Variants in RAB3GAP2 observed in about 807,000 individuals in gnomAD.
The protein encoded by RAB3GAP2 is RAB3 GTPase activating non-catalytic protein subunit 2.
RAB3GAP2 carries 87 observed loss-of-function variants against 185.3 expected under a neutral mutation model. That is an observed-to-expected ratio of 0.47 (90% CI 0.39 to 0.56). RAB3GAP2 has a LOEUF of 0.56. Among genes scored for constraint, RAB3GAP2 ranks in the 20% least tolerant of loss-of-function variants. RAB3GAP2 has a pLI of 0.00. For synonymous variants in RAB3GAP2, 554 were observed against 576.1 expected, an observed-to-expected ratio of 0.96 and a Z score of 0.55; for missense variants, 1,492 against 1,638.2, an observed-to-expected ratio of 0.91 and a Z score of 1.54.
At chr1:220,206,205 A>G (rs923639287) in intron 7 of RAB3GAP2, among the ~76,000 whole-genome samples, 199 bp from the exon 8 acceptor site, 7 of 152,176 alleles carry the variant, frequency 4.6e-5, no homozygotes, top group Middle Eastern at 3.2e-3. Context: ...TTCAAATATA[A>G]CCTTTTGTGT....
intron 2 of RAB3GAP2, among the ~76,000 whole-genome samples, chr1:220,223,425 G>A (rs568832166): frequency 6.6e-6 from 1 of 152,156 alleles, no homozygotes; most frequent in East Asian, 1.9e-4. Context: ...AAAAAAATAA[G>A]ATAATGGTAT....
Position 220,171,184 on chromosome 1 carries a change from C to G in RAB3GAP2, c.2578-64G>C, listed in dbSNP as rs111338251. On this transcript the variant is annotated intron_variant, in intron 23 of 34. Coordinates refer to ENST00000358951, the MANE Select transcript of RAB3GAP2 (RefSeq NM_012414.4). ...CTGAATCAATATTAACTTGAATGAG[C>G]TTTTAACTTGAAAGCTGATGGATAC... 5.2e-4 allele frequency: 753 copies of G among 1,441,330 alleles called. 5 individuals are homozygous for G. In the African/African-American group the frequency reaches 8.8e-3, roughly 17 times the overall value. 89.3% of individuals were successfully genotyped at this position (1,441,330 alleles called of 1,614,324 possible).
intron 18 of RAB3GAP2, among the ~76,000 whole-genome samples, chr1:220,184,495 T>A (rs1454642248): frequency 6.6e-6 from 1 of 152,122 alleles, no homozygotes; most frequent in African/African-American, 2.4e-5. Context: ...ATATACTGTA[T>A]GAATATTTAT....
intron 23 of RAB3GAP2, among the ~76,000 whole-genome samples, chr1:220,171,622 C>A (rs1658179633): frequency 6.6e-6 from 1 of 152,052 alleles, no homozygotes; most frequent in African/African-American, 2.4e-5. Context: ...AACGTTAACA[C>A]CCCCTGGAAA....
At chr1:220,242,194 AT>A (rs1659708594) in intron 1 of RAB3GAP2, among the ~76,000 whole-genome samples, 1 of 152,184 alleles carries the variant, frequency 6.6e-6, no homozygotes, top group Non-Finnish European at 1.5e-5. Context: ...TTTTGGTTCC[AT>A]AGTAAAGAAA....
At position 220,231,980 on chromosome 1, in the gene RAB3GAP2, A is replaced by C. The variant is rs868492706; in HGVS notation, c.180+819T>G. Among the ~76,000 whole-genome samples, 56 of 152,280 alleles carry C rather than the reference A, an allele frequency of 3.7e-4. No homozygotes were observed. The Middle Eastern group carries it at 0.01, about 28-fold the overall frequency. On this transcript the variant is annotated intron_variant, in intron 2 of 34. Transcript: ENST00000358951. The stretch of plus-strand genomic sequence containing the variant: ...GGACTTCCTTCTATGTAAGCGAATA[A>C]ATTTTCTTCATATTTAAGCCAATTA...
intron 1 of RAB3GAP2, among the ~76,000 whole-genome samples, chr1:220,242,309 T>C (rs1659710612): frequency 1.3e-5 from 2 of 152,334 alleles, no homozygotes; most frequent in South Asian, 4.1e-4. Flanking sequence ...AATAGACATT[T>C]GTTCGTTATT....
chr1:220,236,102 T>C (rs552751730), intron 1 of RAB3GAP2, among the ~76,000 whole-genome samples: 31 of 152,348 alleles, frequency 2.0e-4, no homozygotes, highest in African/African-American at 7.5e-4. Context: ...AGAGAATGCA[T>C]TCCAAATTAT....
At position 220,158,971 on chromosome 1, in the gene RAB3GAP2, A is replaced by G. The variant is rs1040970800; in HGVS notation, c.3261+415T>C. ...ATATCCATGGATTAGAATATTAGTTAAGACTAATGTTGTATTTGTATACTT... is the reference window on the plus strand; with the variant it reads ...ATATCCATGGATTAGAATATTAGTTGAGACTAATGTTGTATTTGTATACTT... On this transcript the variant is annotated intron_variant, in intron 29 of 34. Transcript: ENST00000358951. The surrounding 1 kb of genome is among the most constrained non-coding windows in gnomAD (Gnocchi z 4.3). Among the ~76,000 whole-genome samples, 2 of 152,180 alleles carry G rather than the reference A, an allele frequency of 1.3e-5. No homozygotes were observed. Among genetic ancestry groups the G allele is most frequent in the Admixed American group, 1.3e-4 (2 of 15,276 alleles).
At chr1:220,234,685 A>C (rs1227188863) in intron 1 of RAB3GAP2, among the ~76,000 whole-genome samples, 1 of 152,240 alleles carries the variant, frequency 6.6e-6, no homozygotes, top group African/African-American at 2.4e-5. Flanking sequence ...TCTACTGTAG[A>C]AGGCAGACAA....
intron 1 of RAB3GAP2, chr1:220,266,813 G>T: frequency 6.3e-7 from 1 of 1,596,234 alleles, no homozygotes; most frequent in Non-Finnish European, 8.6e-7. Flanking sequence ...CCTCTGGCTG[G>T]GAACATGCTT....
At chr1:220,215,496 T>G (rs921753570) in intron 2 of RAB3GAP2, among the ~76,000 whole-genome samples, 4 of 152,158 alleles carry the variant, frequency 2.6e-5, no homozygotes, top group Admixed American at 2.6e-4. Flanking sequence ...AGAAAATTTC[T>G]CATTTTTATA....
Position 220,163,774 on chromosome 1 carries a change from G to T in RAB3GAP2, c.3154+959C>A, listed in dbSNP as rs12135260. Among the ~76,000 whole-genome samples the T allele has an allele frequency of 3.5e-3, 272 of 78,094 alleles. 1 individual carries two copies. Among genetic ancestry groups the T allele is most frequent in the Admixed American group, 0.017 (130 of 7,586 alleles). The allele number at this position is 78,094 out of a possible 152,430, so 51.2% of individuals were successfully genotyped here. ...ATATATATATATATATATATATATA[G>T]GATGAAGGTAAGATCTAAGAGATGA... On this transcript the variant is annotated intron_variant, in intron 27 of 34. Coordinates refer to ENST00000358951, the MANE Select transcript of RAB3GAP2 (RefSeq NM_012414.4).
At chr1:220,204,833 A>G (rs930122032) in intron 8 of RAB3GAP2, among the ~76,000 whole-genome samples, 14 of 145,508 alleles carry the variant, frequency 9.6e-5, no homozygotes, top group Admixed American at 9.3e-4. Flanking sequence ...GAGAACATGC[A>G]GTGTTTGGTT....
At chr1:220,207,729 C>T (rs1658995627) in intron 7 of RAB3GAP2, 1 of 152,286 alleles carries the variant, frequency 6.6e-6, no homozygotes, top group South Asian at 2.1e-4. Flanking sequence ...ACCAGGTAGT[C>T]TTCCTGAAGA....
At chr1:220,198,076 G>A (rs1331249358) in intron 9 of RAB3GAP2, among the ~76,000 whole-genome samples, 2 of 151,950 alleles carry the variant, frequency 1.3e-5, no homozygotes, top group Non-Finnish European at 2.9e-5. Flanking sequence ...AGTACCTCTT[G>A]GGATCACTTC....
At chr1:220,267,353 G>A in intron 1 of RAB3GAP2, 2 of 1,137,462 alleles carry the variant, frequency 1.8e-6, no homozygotes, top group Admixed American at 1.7e-5. Flanking sequence ...TTAGGATGTT[G>A]GAGGTGGGAC....
rs544467726 is a variant in RAB3GAP2 at position 220,253,492 on chromosome 1, C to T, written c.115+18731G>A. On this transcript the variant is annotated intron_variant, in intron 1 of 34. Coordinates refer to ENST00000358951, the MANE Select transcript of RAB3GAP2 (RefSeq NM_012414.4). ...GCAGTGCCTGACGGCGCGTCTGACG[C>T]GGAGTTGGGTGGGGTAGAGAGTAGG... is the stretch of plus-strand genomic sequence containing the variant. 5.3e-5 allele frequency: 74 copies of T among 1,393,782 alleles called. No individual in the cohort carries two copies. In the African/African-American group the frequency reaches 1.1e-3, roughly 21 times the overall value. The allele number at this position is 1,393,782 out of a possible 1,614,324, so 86.3% of individuals were successfully genotyped here.
At chr1:220,196,958 C>T (rs1658736135) in intron 9 of RAB3GAP2, among the ~76,000 whole-genome samples, 1 of 151,342 alleles carries the variant, frequency 6.6e-6, no homozygotes, top group Admixed American at 6.6e-5. Context: ...GTATACAGTC[C>T]ACTTATATCC....
Sources: gnomAD v4.1 joint callset for allele counts (sites outside exome capture counted in the v4.1 genomes callset) on GRCh38, gnomAD v4.1.1 for gene constraint, Gnocchi (gnomAD v3.1) non-coding constraint, MANE v1.5 for transcripts, NCBI Gene and HGNC (gene_info 2026-07-23, HGNC 2026-07-21) for gene names.